Variants in GDPD5 observed in about 807,000 individuals in gnomAD.
GDPD5 encodes glycerophosphodiester phosphodiesterase domain containing 5.
In GDPD5, 48 loss-of-function variants were observed where a neutral mutation model predicts 75.1. That is an observed-to-expected ratio of 0.64 (90% CI 0.51 to 0.81). The LOEUF is 0.81. Ranked by LOEUF, GDPD5 falls within the 40% of genes least tolerant of loss-of-function variation. The pLI is 0.00. For synonymous variants in GDPD5, 336 were observed against 339.0 expected, an observed-to-expected ratio of 0.99 and a Z score of 0.10; for missense variants, 706 against 822.6, an observed-to-expected ratio of 0.86 and a Z score of 1.73.
chr11:75,473,636 C>A (rs1320137028), intron 3 of GDPD5, among the ~76,000 whole-genome samples: 1 of 152,122 alleles, frequency 6.6e-6, no homozygotes, highest in African/African-American at 2.4e-5. Context: ...GCCCCCGCTG[C>A]CCAGGATGAA....
chr11:75,454,781 GA>G (rs1365046807), intron 6 of GDPD5, among the ~76,000 whole-genome samples: 1 of 152,218 alleles, frequency 6.6e-6, no homozygotes, highest in Non-Finnish European at 1.5e-5. Context: ...AATCTGTCTG[GA>G]AAGATAGTGA....
chr11:75,445,686 C>G (rs1004460190), intron 9 of GDPD5, among the ~76,000 whole-genome samples: 4 of 152,220 alleles, frequency 2.6e-5, no homozygotes, highest in Non-Finnish European at 2.9e-5. Context: ...TTCCCACCTT[C>G]TCTCCCTCTG....
At chr11:75,483,451 C>T (rs1949962085) in intron 2 of GDPD5, among the ~76,000 whole-genome samples, 1 of 152,186 alleles carries the variant, frequency 6.6e-6, no homozygotes, top group African/African-American at 2.4e-5. Flanking sequence ...GGCCTGCTCC[C>T]CTACCCTTTC....
At chr11:75,440,939 G>A (rs1948778538) in intron 14 of GDPD5, among the ~76,000 whole-genome samples, 1 of 152,140 alleles carries the variant, frequency 6.6e-6, no homozygotes, top group Non-Finnish European at 1.5e-5. Context: ...CCTTAGTGAT[G>A]CTTTTCTCCC....
intron 2 of GDPD5, among the ~76,000 whole-genome samples, chr11:75,478,151 CCTTTT>C (rs1426169182): frequency 3.3e-5 from 5 of 152,110 alleles, no homozygotes; most frequent in Non-Finnish European, 7.4e-5. Context: ...GCTCAAATGT[CCTTTT>C]CTTTTCTTTT....
chr11:75,513,577 T>C lies in GDPD5; in HGVS notation c.-145+11633A>G, dbSNP rs76461848. 2.7e-3 allele frequency among the ~76,000 whole-genome samples: 409 copies of C among 152,296 alleles called. 1 individual carries two copies. The highest frequency in any genetic ancestry group is 9.4e-3 in the African/African-American group (389 of 41,546). On this transcript the variant is annotated intron_variant, in intron 1 of 16. Transcript: ENST00000336898. ...AGCGCTTCGTAAAGTTAAACTGTCA[T>C]GTGTCCAAAGTCAACAAAAAGTCAG...
At chr11:75,449,664 C>T in intron 7 of GDPD5, 54 bp from the exon 8 acceptor site, 5 of 1,523,516 alleles carry the variant, frequency 3.3e-6, no homozygotes, top group Non-Finnish European at 4.5e-6. Flanking sequence ...TGCCCAGACC[C>T]TGTGTCACCA....
rs549029213 is a variant in GDPD5, at chr11:75,481,855, T to C, written c.-60-4060A>G. On this transcript the variant is annotated intron_variant, in intron 2 of 16. Coordinates refer to ENST00000336898, the MANE Select transcript of GDPD5 (RefSeq NM_030792.8). ...TGCTGCCTCGCATTGACTTGCTCTG[T>C]GGCTGGGGCCACTCAGGCTCTTCCC... 6.6e-5 allele frequency among the ~76,000 whole-genome samples: 10 copies of C among 152,166 alleles called. No homozygotes were observed. In the South Asian group the frequency reaches 2.1e-3, roughly 32 times the overall value.
At chr11:75,455,466 G>A (rs1565191492) in intron 6 of GDPD5, 4 of 428,156 alleles carry the variant, frequency 9.3e-6, no homozygotes. Context: ...CCAGGCCCAT[G>A]TAACAAACCG....
intron 2 of GDPD5, among the ~76,000 whole-genome samples, chr11:75,478,405 C>T (rs1165972803): frequency 1.3e-5 from 2 of 152,218 alleles, no homozygotes; most frequent in Admixed American, 1.3e-4. Context: ...CTCAGCCTCC[C>T]AAAGTGCTGG....
At chr11:75,439,711 C>T (rs772584894) in intron 15 of GDPD5, among the ~76,000 whole-genome samples, 168 bp downstream of exon 15, 1 of 152,132 alleles carries the variant, frequency 6.6e-6, no homozygotes, top group Non-Finnish European at 1.5e-5. Context: ...AGAAGTCACC[C>T]AGCCTCTGTC....
chr11:75,445,203 G>A (rs1485595896), intron 9 of GDPD5, among the ~76,000 whole-genome samples: 2 of 152,132 alleles, frequency 1.3e-5, no homozygotes, highest in African/African-American at 4.8e-5. Flanking sequence ...AGGCTGTAGT[G>A]CAGTGACACA....
At chr11:75,471,167 C>G (rs548310349) in intron 3 of GDPD5, among the ~76,000 whole-genome samples, 1 of 152,292 alleles carries the variant, frequency 6.6e-6, no homozygotes, top group South Asian at 2.1e-4. Flanking sequence ...GGGACTGATG[C>G]ACGGGAAAGC....
intron 2 of GDPD5, among the ~76,000 whole-genome samples, chr11:75,487,015 A>G (rs1950032347): frequency 6.6e-6 from 1 of 152,244 alleles, no homozygotes; most frequent in East Asian, 1.9e-4. Context: ...ACCCAAACCC[A>G]CAAAACAAAT....
intron 2 of GDPD5, among the ~76,000 whole-genome samples, chr11:75,480,928 C>A (rs182617617): frequency 7.4e-4 from 113 of 152,338 alleles, no homozygotes; most frequent in Non-Finnish European, 3.7e-4. Flanking sequence ...TTGTCTACGG[C>A]TGTTTTAACT....
intron 3 of GDPD5, among the ~76,000 whole-genome samples, chr11:75,465,527 C>A (rs947080762): frequency 6.6e-6 from 1 of 152,174 alleles, no homozygotes; most frequent in African/African-American, 2.4e-5. Context: ...GGGCAGTTTT[C>A]GTGTTCCAGA....
intron 6 of GDPD5, among the ~76,000 whole-genome samples, chr11:75,453,371 C>A (rs1334897583): frequency 6.6e-6 from 1 of 152,146 alleles, no homozygotes; most frequent in Non-Finnish European, 1.5e-5. Context: ...GTAGTCCCAG[C>A]ACTTTGGGAG....
chr11:75,468,974 G>A (rs1460022130), intron 3 of GDPD5, among the ~76,000 whole-genome samples: 1 of 152,210 alleles, frequency 6.6e-6, no homozygotes, highest in Admixed American at 6.5e-5. Flanking sequence ...GATTACAGAT[G>A]TAAGCTGTAA....
In GDPD5 at chr11:75,462,894, A is replaced by G. The variant is rs1437388077; in HGVS notation, c.118-5T>C. 1 of 1,612,206 alleles carries G rather than the reference A, an allele frequency of 6.2e-7. No homozygotes were observed. The highest frequency in any genetic ancestry group is 2.2e-5 in the East Asian group (1 of 44,850). ...CAGGAACCAGAGGCGCTCCCACTGG[A>G]AGAGCAGAGGAGGAGGGGATTAAGT... On this transcript the variant is annotated splice_region_variant and splice_polypyrimidine_tract_variant and intron_variant, in intron 3 of 16. Coordinates refer to ENST00000336898, the MANE Select transcript of GDPD5 (RefSeq NM_030792.8).
Sources: allele counts gnomAD v4.1 joint callset (sites outside exome capture counted in the v4.1 genomes callset), GRCh38; gene constraint gnomAD v4.1.1; transcripts MANE v1.5; gene names NCBI Gene and HGNC (gene_info 2026-07-23, HGNC 2026-07-21).